The following ACTR3 variants were observed in gnomAD, a reference collection of about 807,000 sequenced individuals.
ACTR3 encodes actin-related protein 3.
In ACTR3, 12 loss-of-function variants were observed where a neutral mutation model predicts 56.8. The observed-to-expected ratio is 0.21, with a 90% CI of 0.14 to 0.34. The LOEUF (loss-of-function observed/expected upper bound fraction) is 0.34. Among genes scored for constraint, ACTR3 ranks in the 10% least tolerant of loss-of-function variants. The pLI is 1.00. For synonymous variants in ACTR3, 162 were observed against 167.4 expected (o/e 0.97, Z 0.25); for missense variants, 282 against 512.5 (o/e 0.55, Z 4.34).
At chr2:113,938,352 T>G (rs1679865468) in intron 6 of ACTR3, among the ~76,000 whole-genome samples, 1 of 152,238 alleles carries the variant, frequency 6.6e-6, no homozygotes, top group African/African-American at 2.4e-5. Flanking sequence ...CTTCCTTGCA[T>G]GCTTATAATT....
chr2:113,918,197 G>A (rs986448903), intron 3 of ACTR3, among the ~76,000 whole-genome samples: 8 of 152,100 alleles, frequency 5.3e-5, no homozygotes, highest in Admixed American at 5.2e-4. Flanking sequence ...ACATTAATGA[G>A]TATACCTAGA....
Position 113,960,046 on chromosome 2 carries a change from G to C in ACTR3, c.*2591G>C, listed in dbSNP as rs1214108512. The C allele has an allele frequency of 6.6e-6, 1 of 151,942 alleles. No individual in the cohort carries two copies. Among genetic ancestry groups the C allele is most frequent in the Non-Finnish European group, 1.5e-5 (1 of 67,900 alleles). The allele number at this position is 151,942 out of a possible 1,614,324, so 9.4% of individuals were successfully genotyped here. A position where few individuals can be genotyped will look rare whatever the true frequency, so the allele number is the denominator to read the frequency against. ...ATGTAGCTTATTAATAGCAATATTA[G>C]CAGTGTAGTAGATTCTGACTGCAAA... On this transcript the variant is annotated 3_prime_UTR_variant, in exon 12 of 12. Transcript: ENST00000263238.
In ACTR3 at chr2:113,961,529, A is replaced by G. The variant is rs1394571033; in HGVS notation, c.*4074A>G. 1 of 152,006 alleles carries G rather than the reference A, an allele frequency of 6.6e-6. No homozygotes were observed. The highest frequency in any genetic ancestry group is 2.4e-5 in the African/African-American group (1 of 41,432). 9.4% of individuals were successfully genotyped at this position (152,006 alleles called of 1,614,324 possible). A position where few individuals can be genotyped will look rare whatever the true frequency, so the allele number is the denominator to read the frequency against. On this transcript the variant is annotated 3_prime_UTR_variant, in exon 12 of 12. Transcript: ENST00000263238. ...AATTTTTGGTGACTTTTATAATTAC[A>G]TTAAAACTAAGATGCTGAATTAAAA...
chr2:113,936,279 G>C (rs1032401032), intron 6 of ACTR3, among the ~76,000 whole-genome samples: 3 of 129,196 alleles, frequency 2.3e-5, no homozygotes, highest in Non-Finnish European at 4.7e-5. Flanking sequence ...TCTAGCTTGA[G>C]CAACAGAGTG....
chr2:113,933,578 G>A (rs1171287693), intron 5 of ACTR3, among the ~76,000 whole-genome samples: 1 of 152,154 alleles, frequency 6.6e-6, no homozygotes, highest in Non-Finnish European at 1.5e-5. Context: ...TTGAATAACT[G>A]GAGGTAGGGT....
intron 1 of ACTR3, among the ~76,000 whole-genome samples, chr2:113,897,764 T>C (rs1206821376): frequency 6.6e-6 from 1 of 152,060 alleles, no homozygotes; most frequent in East Asian, 1.9e-4. Flanking sequence ...TGAACTCAAG[T>C]GATCCACCCG....
rs189756238 is a variant in ACTR3 at position 113,952,066 on chromosome 2, C to G, written c.1077+221C>G. 3.7e-5 allele frequency: 20 copies of G among 545,390 alleles called. No homozygotes were observed. In the Admixed American group the frequency reaches 4.6e-4, roughly 13 times the overall value. 33.8% of individuals were successfully genotyped at this position (545,390 alleles called of 1,614,324 possible). On this transcript the variant is annotated intron_variant, in intron 10 of 11. Coordinates refer to ENST00000263238, the MANE Select transcript of ACTR3 (RefSeq NM_005721.5). Reference sequence around the variant, plus strand: ...TCTGGAAAATAATTCTTAGTAATACCTGTGGAAAGACTTTTTTTTTAAATA... The same window carrying G: ...TCTGGAAAATAATTCTTAGTAATACGTGTGGAAAGACTTTTTTTTTAAATA...
At chr2:113,923,211 T>C (rs943088663) in intron 3 of ACTR3, among the ~76,000 whole-genome samples, 12 of 152,256 alleles carry the variant, frequency 7.9e-5, no homozygotes, top group Non-Finnish European at 1.2e-4. Context: ...TCTCAAGATA[T>C]TTGATATGCT....
chr2:113,897,769 C>T (rs1267851656), intron 1 of ACTR3, among the ~76,000 whole-genome samples: 1 of 151,998 alleles, frequency 6.6e-6, no homozygotes, highest in East Asian at 1.9e-4. Flanking sequence ...TCAAGTGATC[C>T]ACCCGTCTCG....
intron 1 of ACTR3, among the ~76,000 whole-genome samples, chr2:113,911,726 G>T (rs368128557): frequency 6.6e-6 from 1 of 151,672 alleles, no homozygotes; most frequent in Non-Finnish European, 1.5e-5. Context: ...ATTCCCCAAA[G>T]ATATTGTTTA....
chr2:113,913,847 A>T (rs1190686829), intron 2 of ACTR3, among the ~76,000 whole-genome samples: 2 of 152,220 alleles, frequency 1.3e-5, no homozygotes, highest in Non-Finnish European at 2.9e-5. Context: ...TTGGTTTGTT[A>T]GTGCTCGTTT....
intron 3 of ACTR3, among the ~76,000 whole-genome samples, chr2:113,924,459 G>T (rs978106953): frequency 1.3e-5 from 2 of 151,992 alleles, no homozygotes; most frequent in Admixed American, 6.6e-5. Context: ...TTCTCACTTG[G>T]TTCTGTTAAG....
rs532970829 is a variant in ACTR3, at chr2:113,957,632, C to T, written c.*177C>T. On this transcript the variant is annotated 3_prime_UTR_variant, in exon 12 of 12. Coordinates refer to ENST00000263238, the MANE Select transcript of ACTR3 (RefSeq NM_005721.5). ...ATCACCATGCAGATGTAGAAGAGAG[C>T]GAAAGTGATTGTGTTTTTCTTTAGA... is the stretch of plus-strand genomic sequence containing the variant. The T allele has an allele frequency of 3.0e-5, 14 of 466,966 alleles. No individual in the cohort carries two copies. The highest frequency in any genetic ancestry group is 9.6e-5 in the South Asian group (2 of 20,916). The allele number at this position is 466,966 out of a possible 1,614,324, so 28.9% of individuals were successfully genotyped here.
chr2:113,890,032 AAG>A, upstream of ACTR3: 2 of 583,814 alleles, frequency 3.4e-6, no homozygotes, highest in South Asian at 1.9e-5. Context: ...AGGAGGAGGG[AAG>A]AGAGAGGGGG....
chr2:113,942,052 A>C (rs1024519477), intron 7 of ACTR3, 134 bp from the exon 8 acceptor site: 11 of 679,364 alleles, frequency 1.6e-5, no homozygotes, highest in African/African-American at 1.5e-4. Flanking sequence ...TTTTTCTTCC[A>C]GCTTAATTTC....
chr2:113,912,368 C>G lies in ACTR3; in HGVS notation c.45-804C>G, dbSNP rs116663576. ...TCCCACATAGCTAAAAAATGCCCCA[C>G]TATCTCCTAAGTAGCCCCCACATAC... On this transcript the variant is annotated intron_variant, in intron 1 of 11. Transcript: ENST00000263238. Among the ~76,000 whole-genome samples, 1,464 of 152,244 alleles carry G rather than the reference C, an allele frequency of 9.6e-3. 26 individuals are homozygous for G. The highest frequency in any genetic ancestry group is 0.033 in the African/African-American group (1,386 of 41,534).
At chr2:113,921,043 T>C (rs1679497108) in intron 3 of ACTR3, among the ~76,000 whole-genome samples, 1 of 152,212 alleles carries the variant, frequency 6.6e-6, no homozygotes, top group African/African-American at 2.4e-5. Flanking sequence ...GGAGCCTCTG[T>C]ACTATGCTTT....
In ACTR3 at chr2:113,953,025, G is replaced by T. The variant is rs377754183; in HGVS notation, c.1077+1180G>T. On this transcript the variant is annotated intron_variant, in intron 10 of 11. Coordinates refer to ENST00000263238, the MANE Select transcript of ACTR3 (RefSeq NM_005721.5). Reference sequence around the variant, plus strand: ...GTGAATGAACATAGTGCATGTTCTGGTTTTTTTGTTAGAATACTTAAAAGA... The same window carrying T: ...GTGAATGAACATAGTGCATGTTCTGTTTTTTTTGTTAGAATACTTAAAAGA... 3.5e-4 allele frequency: 54 copies of T among 152,212 alleles called. 1 individual carries two copies. Among genetic ancestry groups the T allele is most frequent in the African/African-American group, 1.0e-3 (42 of 41,540 alleles). The allele number at this position is 152,212 out of a possible 1,614,324, so 9.4% of individuals were successfully genotyped here.
At chr2:113,920,719 T>C (rs191991993) in intron 3 of ACTR3, among the ~76,000 whole-genome samples, 116 of 152,322 alleles carry the variant, frequency 7.6e-4, no homozygotes, top group African/African-American at 1.9e-3. Context: ...TTTTAGCTTT[T>C]GCACATGAAT....
Sources: allele counts gnomAD v4.1 joint callset (sites outside exome capture counted in the v4.1 genomes callset), GRCh38; gene constraint gnomAD v4.1.1; transcripts MANE v1.5; gene names NCBI Gene and HGNC (gene_info 2026-07-23, HGNC 2026-07-21).